Variants in PRRC2B observed in about 807,000 individuals in gnomAD.
The protein encoded by PRRC2B is proline rich coiled-coil 2B.
Under a neutral mutation model 242.3 loss-of-function variants are expected in PRRC2B, and 68 were observed. The ratio of observed to expected loss-of-function variants is 0.28; its 90% CI spans 0.23 to 0.34. The LOEUF (loss-of-function observed/expected upper bound fraction) is 0.34. PRRC2B is among the 10% of genes least tolerant of loss of function. The probability of loss-of-function intolerance (pLI) is 1.00; values close to 1 mark genes in which losing one functional copy is unlikely to be tolerated. For missense variants in PRRC2B, 2,835 were observed against 2,954.8 expected (o/e 0.96, Z 0.94); for synonymous variants, 1,228 against 1,173.6 (o/e 1.05, Z -0.95).
chr9:131,479,527 C>G, intron 19 of PRRC2B, 134 bp downstream of exon 19: 2 of 867,760 alleles, frequency 2.3e-6, no homozygotes, highest in East Asian at 2.8e-5. Flanking sequence ...TTGCTGTGTT[C>G]CGCTGCTGAG....
At chr9:131,434,044 T>C (rs1040026597) in intron 3 of PRRC2B, among the ~76,000 whole-genome samples, 50 of 152,196 alleles carry the variant, frequency 3.3e-4, no homozygotes, top group Non-Finnish European at 2.5e-4. Context: ...GAGAATTGTT[T>C]GACTTCTGAG....
intron 1 of PRRC2B, among the ~76,000 whole-genome samples, chr9:131,400,325 CTT>C (rs538956744): frequency 6.9e-6 from 1 of 145,700 alleles, no homozygotes. Flanking sequence ...TCTTTTCTTT[CTT>C]TTTTTTTTTG....
chr9:131,425,233 G>T (rs376052985), intron 1 of PRRC2B, among the ~76,000 whole-genome samples: 1 of 151,994 alleles, frequency 6.6e-6, no homozygotes. Context: ...TGATCCTCTC[G>T]CCTCGGCCTC....
chr9:131,486,638 C>A, intron 26 of PRRC2B: 1 of 698,932 alleles, frequency 1.4e-6, no homozygotes, highest in Non-Finnish European at 1.8e-6. Flanking sequence ...CCCTCTAATG[C>A]TGGTGCTGGG....
At chr9:131,485,859 A>C (rs1235408136) in intron 25 of PRRC2B, 1 of 732,128 alleles carries the variant, frequency 1.4e-6, no homozygotes. Context: ...CCCTCCTCCT[A>C]GGTCTGACGC....
intron 16 of PRRC2B, 128 bp downstream of exon 16, chr9:131,476,663 C>T (rs777795274): frequency 1.1e-4 from 87 of 778,526 alleles, no homozygotes; most frequent in Middle Eastern, 3.8e-4. Context: ...CGTCTGTGCG[C>T]GTCTCCATTG....
rs1027612441 is a variant in PRRC2B at position 131,387,560 on chromosome 9, A to G, written c.-56+13829A>G. On this transcript the variant is annotated intron_variant, in intron 1 of 1. Transcript: ENST00000682525. ...TTGTCCTCCTGAGCCTTAGACCGAT[A>G]TCTCCCTTGTGCCAGACTTAATCCC... Among the ~76,000 whole-genome samples the G allele has an allele frequency of 6.6e-5, 10 of 150,444 alleles. 1 individual carries two copies. Among genetic ancestry groups the G allele is most frequent in the African/African-American group, 2.2e-4 (9 of 41,206 alleles).
intron 14 of PRRC2B, among the ~76,000 whole-genome samples, chr9:131,473,044 T>C (rs12552460): frequency 0.14 from 21,189 of 152,118 alleles, 1,646 homozygotes; most frequent in African/African-American, 0.15. Context: ...GAGTCTGAAT[T>C]CCTGGGAGGG....
intron 2 of PRRC2B, among the ~76,000 whole-genome samples, chr9:131,430,552 T>G (rs868590216): frequency 1.5e-4 from 13 of 88,084 alleles, no homozygotes; most frequent in South Asian, 4.9e-4. Context: ...TATCTATAGG[T>G]GTGTGTGTAT....
At chr9:131,465,441 C>G (rs984249994) in intron 12 of PRRC2B, among the ~76,000 whole-genome samples, 4 of 152,124 alleles carry the variant, frequency 2.6e-5, no homozygotes, top group African/African-American at 9.7e-5. Context: ...AGCACCTCAC[C>G]TCTCTGAAGC....
In PRRC2B at chr9:131,473,721, T is replaced by C; in HGVS notation, c.2321T>C (p.Val774Ala). Residue 774 changes from valine to alanine, a missense_variant, in exon 15 of 32, where the codon GTC (valine) becomes GCC (alanine). Val to Ala is a moderately conservative substitution (Grantham distance 64). Transcript: ENST00000683519. ...GACACCTTGGCTATGGACATGCGTG[T>C]CAGGTGAGATGAAGCCTGGTCCTGC... is the stretch of plus-strand genomic sequence containing the variant. Reference protein sequence around the residue: ...SSDTLAMDMRVRNESSFSASL... With the variant: ...SSDTLAMDMRARNESSFSASL... 1.2e-6 allele frequency: 2 copies of C among 1,612,272 alleles called. No individual in the cohort carries two copies. Among genetic ancestry groups the C allele is most frequent in the Non-Finnish European group, 1.7e-6 (2 of 1,179,124 alleles).
intron 6 of PRRC2B, among the ~76,000 whole-genome samples, chr9:131,445,752 CAG>C (rs915441261): frequency 1.1e-4 from 16 of 152,184 alleles, no homozygotes; most frequent in African/African-American, 2.4e-4. Context: ...TGACCGAAAA[CAG>C]GGGTCTGTTG....
At chr9:131,463,493 C>G (rs955511590) in intron 11 of PRRC2B, among the ~76,000 whole-genome samples, 4 of 152,078 alleles carry the variant, frequency 2.6e-5, no homozygotes, top group African/African-American at 9.7e-5. Context: ...TGACAGCTGT[C>G]CATCATTTGT....
At chr9:131,465,549 C>T (rs1191833918) in intron 12 of PRRC2B, among the ~76,000 whole-genome samples, 1 of 152,200 alleles carries the variant, frequency 6.6e-6, no homozygotes, top group African/African-American at 2.4e-5. Context: ...AACCATGCAT[C>T]TACTCACTGA....
intron 9 of PRRC2B, among the ~76,000 whole-genome samples, chr9:131,452,883 GA>G (rs1452085913): frequency 6.6e-6 from 1 of 152,334 alleles, no homozygotes; most frequent in East Asian, 1.9e-4. Flanking sequence ...GGTGCCCTTT[GA>G]AAAGTATATA....
In PRRC2B at chr9:131,477,833, C is replaced by T. The variant is rs1943748428; in HGVS notation, c.4496C>T (p.Ala1499Val). ...TATGCCCTGGAGCGGGCAGCCCATG[C>T]CAGTGCTGACCTTCCCGAAGCCTCC... ...SPYALERAAH[A>V]SADLPEASSK... Residue 1499 changes from alanine to valine, a missense_variant, in exon 17 of 32, where the codon GCC becomes GTC. Coordinates refer to ENST00000683519, the MANE Select transcript of PRRC2B (RefSeq NM_013318.4). 1 of 1,613,420 alleles carries T rather than the reference C, an allele frequency of 6.2e-7. No homozygotes were observed. Among genetic ancestry groups the T allele is most frequent in the East Asian group, 2.2e-5 (1 of 44,876 alleles).
intron 13 of PRRC2B, among the ~76,000 whole-genome samples, chr9:131,469,677 G>A (rs1245565515): frequency 6.6e-6 from 1 of 152,240 alleles, no homozygotes; most frequent in Non-Finnish European, 1.5e-5. Context: ...AGAGTGTGAC[G>A]CAGCAGTGAG....
intron 5 of PRRC2B, among the ~76,000 whole-genome samples, chr9:131,443,306 T>C (rs560497537): frequency 6.6e-6 from 1 of 150,910 alleles, no homozygotes; most frequent in African/African-American, 2.4e-5. Context: ...GCTAATTTTT[T>C]TTTGTATTTT....
In PRRC2B at chr9:131,472,471, A is replaced by ATTTT. The variant is rs749051569; in HGVS notation, c.2108-1017_2108-1014dup. Among the ~76,000 whole-genome samples, 140 of 91,506 alleles carry ATTTT rather than the reference A, an allele frequency of 1.5e-3. 4 individuals carry two copies. The highest frequency in any genetic ancestry group is 5.2e-3 in the African/African-American group (113 of 21,786). The allele number at this position is 91,506 out of a possible 152,430, so 60.0% of individuals were successfully genotyped here. On this transcript the variant is annotated intron_variant, in intron 14 of 31. Transcript: ENST00000683519. The stretch of plus-strand genomic sequence containing the variant: ...AGGCGCCCACCACCACGCCCAGCTA[A>ATTTT]TTTTTTTTTTTTTTTTTTTTTTTGA...
Sources: allele counts gnomAD v4.1 joint callset (sites outside exome capture counted in the v4.1 genomes callset), GRCh38; gene constraint gnomAD v4.1.1; transcripts MANE v1.5; gene names NCBI Gene and HGNC (gene_info 2026-07-23, HGNC 2026-07-21).